The following TENM2 variants were observed in gnomAD, a reference collection of about 807,000 sequenced individuals.
TENM2 encodes teneurin-2.
A neutral mutation model predicts 245.2 loss-of-function variants in TENM2; 52 were observed. That is an observed-to-expected ratio of 0.21 (90% CI 0.17 to 0.27). The LOEUF is 0.27. Among genes scored for constraint, TENM2 ranks in the 10% least tolerant of loss-of-function variants. The pLI is 1.00. For synonymous variants in TENM2, 1,363 were observed against 1,438.9 expected, an observed-to-expected ratio of 0.95 and a Z score of 1.19; for missense variants, 3,046 against 3,666.8, an observed-to-expected ratio of 0.83 and a Z score of 4.37.
At chr5:167,607,427 C>T (rs1401792378) in intron 2 of TENM2, among the ~76,000 whole-genome samples, 1 of 152,110 alleles carries the variant, frequency 6.6e-6, no homozygotes, top group East Asian at 1.9e-4. Context: ...AAAAACAAAA[C>T]AGGGAGCATT....
At chr5:168,012,284 C>G (rs1323234075) in intron 5 of TENM2, among the ~76,000 whole-genome samples, 1 of 152,100 alleles carries the variant, frequency 6.6e-6, no homozygotes, top group African/African-American at 2.4e-5. Flanking sequence ...CAATCCATGT[C>G]AGGGCACGTG....
rs113215263 is a variant in TENM2, at chr5:167,665,441, CA to C, written c.503-210535del. On this transcript the variant is annotated intron_variant, in intron 2 of 28. Transcript: ENST00000518659. ...GAGGGCAGAAGAGGATATAAGAGAC[CA>C]AAAAAAAAATGAATTATTATACTGT... Among the ~76,000 whole-genome samples, 110 of 143,902 alleles carry C rather than the reference CA, an allele frequency of 7.6e-4. 1 individual carries two copies. Among genetic ancestry groups the C allele is most frequent in the East Asian group, 2.4e-3 (12 of 4,944 alleles). 94.4% of individuals were successfully genotyped at this position (143,902 alleles called of 152,430 possible).
the TENM2 span, among the ~76,000 whole-genome samples, chr5:167,030,232 C>T: frequency 1.3e-5 from 2 of 152,166 alleles, no homozygotes; most frequent in South Asian, 2.1e-4. Context: ...AGGCAACAGA[C>T]GCAGACTACA....
At chr5:167,189,281 T>C in the TENM2 span, among the ~76,000 whole-genome samples, 1 of 152,186 alleles carries the variant, frequency 6.6e-6, no homozygotes, top group Non-Finnish European at 1.5e-5. Context: ...TTCTATTTGT[T>C]ACGTAGTGTG....
intron 2 of TENM2, among the ~76,000 whole-genome samples, chr5:167,509,771 T>G (rs1195619032): frequency 6.6e-6 from 1 of 152,214 alleles, no homozygotes; most frequent in Non-Finnish European, 1.5e-5. Flanking sequence ...TGCTGTTAAG[T>G]GGAGTTATTC....
intron 2 of TENM2, among the ~76,000 whole-genome samples, chr5:167,791,415 AAATATAT>A (rs1218339874): frequency 6.9e-6 from 1 of 145,486 alleles, no homozygotes; most frequent in Non-Finnish European, 1.5e-5. Flanking sequence ...CATAGATATG[AAATATAT>A]AATATATTAT....
At chr5:168,112,606 C>CGGGGGGGGGGG (rs11446185) in intron 9 of TENM2, among the ~76,000 whole-genome samples, 1 of 64,082 alleles carries the variant, frequency 1.6e-5, no homozygotes, top group Non-Finnish European at 3.3e-5. Flanking sequence ...GTGCAGTGGG[C>CGGGGGGGGGGG]GGGGGGGGGG....
At chr5:167,175,729 A>G in the TENM2 span, among the ~76,000 whole-genome samples, 1 of 152,078 alleles carries the variant, frequency 6.6e-6, no homozygotes, top group Admixed American at 6.5e-5. Flanking sequence ...TGTTTTTGAG[A>G]CAGAGTCTCA....
chr5:168,068,035 C>T (rs1219272907), intron 7 of TENM2, among the ~76,000 whole-genome samples: 1 of 152,034 alleles, frequency 6.6e-6, no homozygotes, highest in Non-Finnish European at 1.5e-5. Flanking sequence ...ACTGAAAGTG[C>T]TTTTGGAAAG....
chr5:167,342,763 A>G (rs1250498972), intron 1 of TENM2, among the ~76,000 whole-genome samples: 2 of 151,376 alleles, frequency 1.3e-5, no homozygotes, highest in Admixed American at 1.3e-4. Context: ...TCCTGACCTC[A>G]TGATCCACCC....
At chr5:167,105,974 G>C in the TENM2 span, among the ~76,000 whole-genome samples, 1 of 144,618 alleles carries the variant, frequency 6.9e-6, no homozygotes, top group Admixed American at 6.9e-5. Context: ...TTTGAGAAAT[G>C]TGAAGTATTA....
At chr5:168,167,046 G>A (rs541319647) in intron 13 of TENM2, among the ~76,000 whole-genome samples, 5 of 152,148 alleles carry the variant, frequency 3.3e-5, no homozygotes, top group Admixed American at 6.5e-5. Context: ...AGACAGACAC[G>A]GCAGCTGGCA....
the TENM2 span, among the ~76,000 whole-genome samples, chr5:167,133,591 T>G: frequency 7.3e-5 from 10 of 137,526 alleles, no homozygotes; most frequent in Non-Finnish European, 1.4e-4. Flanking sequence ...TGTAGGCGGG[T>G]GCCTTGTTTA....
chr5:167,751,144 C>G (rs113054039), intron 2 of TENM2, among the ~76,000 whole-genome samples: 3,567 of 152,110 alleles, frequency 0.023, 133 homozygotes, highest in African/African-American at 0.082. Flanking sequence ...GAGGGAAATA[C>G]ATGGTAGGAA....
rs886349162 is a variant in TENM2, at chr5:168,034,543, C to T, written c.1187-12884C>T. ...GCTCAGGAGTTCAAGACCAGCCTGG[C>T]AACATAGTGAGACCCCCCACCCCCC... On this transcript the variant is annotated intron_variant, in intron 5 of 28. Coordinates refer to ENST00000518659, the Ensembl canonical transcript of TENM2. Among the ~76,000 whole-genome samples, 5 of 151,538 alleles carry T rather than the reference C, an allele frequency of 3.3e-5. No homozygotes were observed. The East Asian group carries it at 5.9e-4, about 18-fold the overall frequency.
At chr5:167,877,762 A>G (rs562399085) in intron 3 of TENM2, among the ~76,000 whole-genome samples, 13 of 152,342 alleles carry the variant, frequency 8.5e-5, no homozygotes, top group African/African-American at 3.1e-4. Context: ...AGGAAATTCT[A>G]TATAATTAAA....
chr5:168,212,341 T>C (rs895651477), intron 20 of TENM2, among the ~76,000 whole-genome samples: 4 of 152,218 alleles, frequency 2.6e-5, no homozygotes, highest in Non-Finnish European at 5.9e-5. Context: ...ATTACATTGA[T>C]CCAAGGTTAT....
intron 9 of TENM2, among the ~76,000 whole-genome samples, chr5:168,107,517 G>C (rs1432015698): frequency 6.6e-6 from 1 of 151,514 alleles, no homozygotes; most frequent in Non-Finnish European, 1.5e-5. Flanking sequence ...TGTAGGACTG[G>C]TGTGCAGCTC....
intron 2 of TENM2, among the ~76,000 whole-genome samples, chr5:167,860,036 C>G (rs1771587824): frequency 9.7e-6 from 1 of 103,148 alleles, no homozygotes; most frequent in Non-Finnish European, 2.1e-5. Context: ...GCCCGGCCAG[C>G]CGCCCCGTCC....
Sources: gnomAD v4.1 joint callset for allele counts (sites outside exome capture counted in the v4.1 genomes callset) on GRCh38, gnomAD v4.1.1 for gene constraint, MANE v1.5 for transcripts, NCBI Gene and HGNC (gene_info 2026-07-23, HGNC 2026-07-21) for gene names.